The following TMEM25 variants were observed in gnomAD, a reference collection of about 807,000 sequenced individuals.
TMEM25 encodes transmembrane protein 25, also known as 0610039J01Rik.
Under a neutral mutation model 37.0 loss-of-function variants are expected in TMEM25, and 36 were observed. The observed-to-expected ratio is 0.97, with a 90% CI of 0.75 to 1.28. TMEM25 has a LOEUF of 1.28. Ranked by LOEUF, TMEM25 falls within the 50% of genes most tolerant of loss-of-function variation. The pLI, the probability that TMEM25 is intolerant of heterozygous loss-of-function variation, is 0.00. For synonymous variants in TMEM25, 197 were observed against 203.7 expected, an observed-to-expected ratio of 0.97 and a Z score of 0.28; for missense variants, 444 against 477.9, an observed-to-expected ratio of 0.93 and a Z score of 0.66.
Position 118,545,059 on chromosome 11 carries a change from T to G in TMEM25, c.1028-1060T>G, listed in dbSNP as rs1951643122. 6.4e-6 allele frequency: 8 copies of G among 1,258,066 alleles called. No individual in the cohort carries two copies. The South Asian group carries it at 1.0e-4, about 16-fold the overall frequency. 77.9% of individuals were successfully genotyped at this position (1,258,066 alleles called of 1,614,324 possible). A position where few individuals can be genotyped will look rare whatever the true frequency, so the allele number is the denominator to read the frequency against. ...TATTGAGTATTAGGGATATGCTAATTGCTATATTTTAACAAGAATTAATTT... is the reference window on the plus strand; with the variant it reads ...TATTGAGTATTAGGGATATGCTAATGGCTATATTTTAACAAGAATTAATTT... On this transcript the variant is annotated intron_variant, in intron 8 of 8. Transcript: ENST00000354284.
At position 118,533,554 on chromosome 11, in the gene TMEM25, A is replaced by C; in HGVS notation, c.805+3A>C. 1 of 1,613,986 alleles carries C rather than the reference A, an allele frequency of 6.2e-7. No homozygotes were observed. The highest frequency in any genetic ancestry group is 1.1e-5 in the South Asian group (1 of 91,026). On this transcript the variant is annotated splice_donor_region_variant and intron_variant, in intron 5 of 8. Coordinates refer to ENST00000313236, the MANE Select transcript of TMEM25 (RefSeq NM_032780.4). ...CAGAAAAGAGAAGAAAACCAAAGGT[A>C]GGCCAGGGACACTGGGGGCAGTGTG...
chr11:118,545,362 T>C lies in TMEM25; in HGVS notation c.1028-757T>C, dbSNP rs372115924. 47 of 1,347,512 alleles carry C rather than the reference T, an allele frequency of 3.5e-5. 1 individual carries two copies. Among genetic ancestry groups the C allele is most frequent in the South Asian group, 1.7e-4 (14 of 84,836 alleles). 83.5% of individuals were successfully genotyped at this position (1,347,512 alleles called of 1,614,324 possible). ...AGCAGGCTCAGAACAGTAGAAACTA[T>C]AGTGATCCTCTCTACAGCTTAAGTC... On this transcript the variant is annotated intron_variant, in intron 8 of 8. Transcript: ENST00000354284.
chr11:118,540,012 C>T (rs1464417964), downstream of TMEM25, among the ~76,000 whole-genome samples: 1 of 129,252 alleles, frequency 7.7e-6, no homozygotes, highest in Non-Finnish European at 1.6e-5. Flanking sequence ...CAGAGCAAGA[C>T]TCCGTCTCAA....
At chr11:118,539,575 G>A (rs567716225), downstream of TMEM25, among the ~76,000 whole-genome samples, 48 of 152,146 alleles carry the variant, frequency 3.2e-4, no homozygotes, top group African/African-American at 1.1e-3. Flanking sequence ...TCTATTTTGA[G>A]TTGATTTTTA....
chr11:118,545,299 G>T, intron 8 of TMEM25: 1 of 854,280 alleles, frequency 1.2e-6, no homozygotes, highest in Non-Finnish European at 1.9e-6. Context: ...GAAGGTAACT[G>T]GGCAGAGACA....
downstream of TMEM25, among the ~76,000 whole-genome samples, chr11:118,540,616 C>T (rs539217210): frequency 6.6e-6 from 1 of 152,326 alleles, no homozygotes; most frequent in African/African-American, 2.4e-5. Context: ...GCCAAATATT[C>T]AGTAGGGGGT....
chr11:118,532,085 T>G (rs1951304827), intron 2 of TMEM25, 65 bp from the exon 3 acceptor site: 1 of 1,456,996 alleles, frequency 6.9e-7, no homozygotes, highest in Admixed American at 2.6e-5. Context: ...CTGGGCCAAT[T>G]CCTGGTCACA....
intron 8 of TMEM25, chr11:118,545,429 A>G (rs1555066834): frequency 2.5e-6 from 4 of 1,612,808 alleles, no homozygotes; most frequent in Non-Finnish European, 8.5e-7. Flanking sequence ...TTGAATTCTG[A>G]GTAGAGGGAA....
In TMEM25 at chr11:118,535,787, G is replaced by C. The variant is rs1431631344; in HGVS notation, c.*1207G>C. 1 of 1,297,302 alleles carries C rather than the reference G, an allele frequency of 7.7e-7. No homozygotes were observed. Among genetic ancestry groups the C allele is most frequent in the Non-Finnish European group, 9.8e-7 (1 of 1,024,888 alleles). The allele number at this position is 1,297,302 out of a possible 1,614,324, so 80.4% of individuals were successfully genotyped here. A position where few individuals can be genotyped will look rare whatever the true frequency, so the allele number is the denominator to read the frequency against. On this transcript the variant is annotated 3_prime_UTR_variant, in exon 9 of 9. Coordinates refer to ENST00000313236, the MANE Select transcript of TMEM25 (RefSeq NM_032780.4). ...TGTTTTTCATGTTACTGCCTAGGGC[G>C]GTGCTGAGCACACAGCAAGTTTAAT... is the stretch of plus-strand genomic sequence containing the variant.
chr11:118,531,401 A>C, intron 1 of TMEM25, 167 bp downstream of exon 1: 1 of 377,566 alleles, frequency 2.6e-6, no homozygotes, highest in Non-Finnish European at 4.9e-6. Context: ...GGAACAGGGC[A>C]GGAGAGAGAA....
At chr11:118,536,420 C>G (rs527820887), downstream of TMEM25, among the ~76,000 whole-genome samples, 176 of 150,660 alleles carry the variant, frequency 1.2e-3, no homozygotes, top group African/African-American at 3.8e-3. Context: ...CTTGAACTCC[C>G]GACCTCAGGT....
chr11:118,531,444 A>G, intron 1 of TMEM25: 1 of 441,692 alleles, frequency 2.3e-6, no homozygotes, highest in Non-Finnish European at 4.1e-6. Context: ...CCTTTGGGGG[A>G]GGGGCGCGTG....
intron 8 of TMEM25, among the ~76,000 whole-genome samples, chr11:118,543,612 A>C (rs1386016498): frequency 2.0e-5 from 3 of 148,684 alleles, no homozygotes; most frequent in African/African-American, 7.5e-5. Flanking sequence ...CAGCCTCCCG[A>C]GTAGCTGAGA....
chr11:118,531,459 A>C, intron 1 of TMEM25: 1 of 471,610 alleles, frequency 2.1e-6, no homozygotes, highest in Non-Finnish European at 3.8e-6. Flanking sequence ...CGCGTGGAGT[A>C]TGTGTGTGAG....
chr11:118,531,919 C>A, intron 2 of TMEM25, 48 bp downstream of exon 2: 7 of 1,543,292 alleles, frequency 4.5e-6, no homozygotes, highest in Non-Finnish European at 6.1e-6. Context: ...GTTCCAAAGC[C>A]CCCTCTCTCC....
At chr11:118,545,263 T>C (rs1951649714) in intron 8 of TMEM25, 1 of 759,376 alleles carries the variant, frequency 1.3e-6, no homozygotes, top group South Asian at 1.7e-5. Flanking sequence ...CCTGCCTCCT[T>C]TGCTCTCCTA....
downstream of TMEM25, among the ~76,000 whole-genome samples, chr11:118,539,388 G>A (rs782569553): frequency 2.6e-5 from 4 of 151,862 alleles, no homozygotes; most frequent in African/African-American, 7.3e-5. Context: ...GGGTGGTCTC[G>A]ATCTCTTGAC....
rs782740019 is a variant in TMEM25, at chr11:118,545,831, A to G, written c.1028-288A>G. On this transcript the variant is annotated intron_variant, in intron 8 of 8. Transcript: ENST00000354284. Reference sequence around the variant, plus strand: ...AATGTACTCTGCCAGGCTGCAATCAATCTCTGCCGTGGGCAGGCTTACCTG... The same window carrying G: ...AATGTACTCTGCCAGGCTGCAATCAGTCTCTGCCGTGGGCAGGCTTACCTG... The G allele has an allele frequency of 2.5e-6, 4 of 1,614,178 alleles. No homozygotes were observed. The South Asian group carries it at 4.4e-5, about 18-fold the overall frequency.
rs375011884 is a variant in TMEM25 at position 118,534,082 on chromosome 11, C to T, written c.890C>T (p.Ser297Phe). Residue 297 changes from serine (S) to phenylalanine (F), a missense_variant, in exon 7 of 9, where the codon TCC becomes TTC. By Grantham distance (155) the Ser-to-Phe change is radical. Coordinates refer to ENST00000313236, the MANE Select transcript of TMEM25 (RefSeq NM_032780.4). This position sits in a 1 kb window ranked among gnomAD's most constrained non-coding sequence, Gnocchi z 4.6. ...GTGCGCCTGCCACGGGAGAACATGT[C>T]CCTCCCGTCCAACCTTCAGCTCAAT... ...NNVRLPRENM[S>F]LPSNLQLNDL... 6.2e-7 allele frequency: 1 copy of T among 1,614,140 alleles called. No homozygotes were observed. The highest frequency in any genetic ancestry group is 1.3e-5 in the African/African-American group (1 of 75,020).
Sources: allele counts gnomAD v4.1 joint callset (sites outside exome capture counted in the v4.1 genomes callset), GRCh38; gene constraint gnomAD v4.1.1; non-coding constraint Gnocchi (gnomAD v3.1); transcripts MANE v1.5; gene names NCBI Gene and HGNC (gene_info 2026-07-23, HGNC 2026-07-21).